Variants in KCNN2 observed in about 807,000 individuals in gnomAD.
KCNN2 encodes small conductance calcium-activated potassium channel protein 2.
KCNN2 carries 24 observed loss-of-function variants against 55.5 expected under a neutral mutation model. The ratio of observed to expected loss-of-function variants is 0.43; its 90% CI spans 0.31 to 0.61. The LOEUF (loss-of-function observed/expected upper bound fraction) is 0.61. Ranked by LOEUF, KCNN2 falls within the 20% of genes least tolerant of loss-of-function variation. The probability of loss-of-function intolerance (pLI) is 0.08; values close to 1 mark genes in which losing one functional copy is unlikely to be tolerated. For missense variants in KCNN2, 754 were observed against 853.6 expected (o/e 0.88, Z 1.45); for synonymous variants, 431 against 336.1 (o/e 1.28, Z -3.09).
chr5:114,215,084 G>T (rs1233392851), intron 1 of KCNN2, among the ~76,000 whole-genome samples: 2 of 152,172 alleles, frequency 1.3e-5, no homozygotes, highest in East Asian at 3.9e-4. Flanking sequence ...AGAATGTTTT[G>T]CTTTGTCAAG....
chr5:114,332,339 T>A (rs1234042554), intron 2 of KCNN2, among the ~76,000 whole-genome samples: 2 of 152,188 alleles, frequency 1.3e-5, no homozygotes, highest in Admixed American at 1.3e-4. Flanking sequence ...AGGAGTTTAT[T>A]AGACAAAAGA....
chr5:114,464,073 A>T (rs1761332289), intron 4 of KCNN2, among the ~76,000 whole-genome samples: 1 of 152,176 alleles, frequency 6.6e-6, no homozygotes, highest in African/African-American at 2.4e-5. Context: ...TGCTACTGAC[A>T]TGCCATCGTT....
At chr5:114,081,172 T>G (rs1750809613) in intron 1 of KCNN2, among the ~76,000 whole-genome samples, 3 of 152,138 alleles carry the variant, frequency 2.0e-5, no homozygotes, top group South Asian at 2.1e-4. Flanking sequence ...TAGAAACATC[T>G]TATGCTCATG....
intron 2 of KCNN2, among the ~76,000 whole-genome samples, chr5:114,229,930 G>A (rs1358030362): frequency 6.6e-6 from 1 of 152,122 alleles, no homozygotes; most frequent in Non-Finnish European, 1.5e-5. Context: ...GCATTGTACA[G>A]CTGGAACACA....
At chr5:114,126,125 G>A (rs1406430921) in intron 1 of KCNN2, among the ~76,000 whole-genome samples, 2 of 152,096 alleles carry the variant, frequency 1.3e-5, no homozygotes, top group East Asian at 1.9e-4. Context: ...GTGAGCATCT[G>A]TTTCTCTGTT....
At chr5:114,197,418 G>A (rs1753579945) in intron 1 of KCNN2, among the ~76,000 whole-genome samples, 1 of 152,134 alleles carries the variant, frequency 6.6e-6, no homozygotes, top group African/African-American at 2.4e-5. Context: ...TTTTGCAAGT[G>A]GAGTATTGAA....
intron 2 of KCNN2, among the ~76,000 whole-genome samples, chr5:114,336,236 A>T (rs192065878): frequency 6.2e-4 from 94 of 152,356 alleles, no homozygotes; most frequent in Non-Finnish European, 1.1e-3. Context: ...TTGGGATCTG[A>T]TAGAGTATCT....
intron 2 of KCNN2, among the ~76,000 whole-genome samples, chr5:114,230,148 A>G (rs1412559038): frequency 8.5e-5 from 13 of 152,190 alleles, no homozygotes; most frequent in Admixed American, 8.5e-4. Flanking sequence ...GTATTTATTT[A>G]TAACACAGGA....
At chr5:114,083,889 C>A (rs1177691211) in intron 1 of KCNN2, among the ~76,000 whole-genome samples, 1 of 151,998 alleles carries the variant, frequency 6.6e-6, no homozygotes, top group Non-Finnish European at 1.5e-5. Context: ...ATCTTTTTAC[C>A]ATCTCTGTAG....
intron 1 of KCNN2, among the ~76,000 whole-genome samples, chr5:114,107,845 A>G (rs1351314447): frequency 2.0e-5 from 3 of 152,052 alleles, no homozygotes; most frequent in Non-Finnish European, 4.4e-5. Context: ...ATTCTCAAAT[A>G]TACCATAATA....
intron 3 of KCNN2, among the ~76,000 whole-genome samples, chr5:114,442,092 T>G (rs1249687364): frequency 6.6e-6 from 1 of 152,032 alleles, no homozygotes; most frequent in African/African-American, 2.4e-5. Flanking sequence ...ATAACAGAAG[T>G]TAGTGACAAC....
intron 1 of KCNN2, among the ~76,000 whole-genome samples, chr5:114,134,146 T>C (rs1031886962): frequency 5.3e-5 from 8 of 151,882 alleles, no homozygotes; most frequent in African/African-American, 1.9e-4. Flanking sequence ...TAGGGGAAGC[T>C]CAGGGCTAAG....
intron 1 of KCNN2, among the ~76,000 whole-genome samples, chr5:114,143,733 C>T (rs939327223): frequency 1.3e-5 from 2 of 152,168 alleles, no homozygotes; most frequent in Non-Finnish European, 2.9e-5. Context: ...CTGGCATTGT[C>T]TTTACACAAT....
chr5:114,341,402 A>G (rs1757012503), intron 2 of KCNN2, among the ~76,000 whole-genome samples: 1 of 152,190 alleles, frequency 6.6e-6, no homozygotes, highest in Admixed American at 6.5e-5. Context: ...TAGAAATGAA[A>G]TGAAGATAAA....
chr5:114,422,841 A>G (rs1038470904), intron 3 of KCNN2, among the ~76,000 whole-genome samples: 1 of 152,200 alleles, frequency 6.6e-6, no homozygotes, highest in East Asian at 1.9e-4. Flanking sequence ...CAGAAAGCAC[A>G]TTCTGTTAAA....
intron 2 of KCNN2, among the ~76,000 whole-genome samples, chr5:114,397,697 A>G (rs1328973912): frequency 6.6e-6 from 1 of 152,008 alleles, no homozygotes; most frequent in Admixed American, 6.6e-5. Context: ...CACATCTATT[A>G]TTTTTTGACT....
At chr5:114,364,254 C>T (rs1757537574) in intron 2 of KCNN2, among the ~76,000 whole-genome samples, 1 of 152,188 alleles carries the variant, frequency 6.6e-6, no homozygotes, top group Admixed American at 6.5e-5. Context: ...TACTTCTCTT[C>T]AGTAGGTGGA....
intron 1 of KCNN2, among the ~76,000 whole-genome samples, chr5:114,099,923 G>A (rs980674020): frequency 5.3e-5 from 8 of 151,790 alleles, no homozygotes; most frequent in Non-Finnish European, 1.2e-4. Context: ...CATTATTCAA[G>A]TAAGTCTTTT....
At position 114,311,016 on chromosome 5, in the gene KCNN2, A is replaced by G. The variant is rs898936846; in HGVS notation, c.-184-49929A>G. On this transcript the variant is annotated intron_variant, in intron 2 of 10. Transcript: ENST00000512097. ...GTTTCCTGCCTCATACAAGCCTAGA[A>G]ATGGACAATTTCTGGTGGGAGAATC... Among the ~76,000 whole-genome samples, 3 of 152,060 alleles carry G rather than the reference A, an allele frequency of 2.0e-5. No homozygotes were observed. In the South Asian group the frequency reaches 6.2e-4, roughly 32 times the overall value.
Sources: allele counts gnomAD v4.1 joint callset (sites outside exome capture counted in the v4.1 genomes callset), GRCh38; gene constraint gnomAD v4.1.1; transcripts MANE v1.5; gene names NCBI Gene and HGNC (gene_info 2026-07-23, HGNC 2026-07-21).